Variants in ABCA7 observed in about 807,000 individuals in gnomAD.
The protein encoded by ABCA7 is ATP binding cassette subfamily A member 7.
A neutral mutation model predicts 227.6 loss-of-function variants in ABCA7; 261 were observed. The observed-to-expected ratio is 1.15, with a 90% CI of 1.04 to 1.27. The LOEUF (loss-of-function observed/expected upper bound fraction) is 1.27. Among genes scored for constraint, ABCA7 ranks in the 50% most tolerant of loss-of-function variants. ABCA7 has a pLI of 0.00. For synonymous variants in ABCA7, 1,488 were observed against 1,279.7 expected, an observed-to-expected ratio of 1.16 and a Z score of -3.47; for missense variants, 3,331 against 2,924.5, an observed-to-expected ratio of 1.14 and a Z score of -3.21.
In ABCA7 at chr19:1,052,103, C is replaced by T. The variant is rs372515040; in HGVS notation, c.3124C>T (p.Leu1042=). 1.1e-5 allele frequency: 18 copies of T among 1,612,228 alleles called. No homozygotes were observed. Among genetic ancestry groups the T allele is most frequent in the African/African-American group, 4.0e-5 (3 of 74,824 alleles). Residue 1042 remains leucine (L), a synonymous_variant, in exon 22 of 47, where the codon CTG becomes TTG. Transcript: ENST00000263094. Reference sequence around the variant, plus strand: ...CTACCTGACGCTGGTGAAGGCCCGCCTGCCCCTGACCACCAATGAGAAGGT... The same window carrying T: ...CTACCTGACGCTGGTGAAGGCCCGCTTGCCCCTGACCACCAATGAGAAGGT... ...GYYLTLVKAR[L]PLTTNEKADT...
chr19:1,046,118 A>T, intron 12 of ABCA7, 112 bp from the exon 13 acceptor site: 1 of 1,254,778 alleles, frequency 8.0e-7, no homozygotes, highest in Non-Finnish European at 1.1e-6. Flanking sequence ...GCAGCTCTTC[A>T]CTCCAGCCTG....
chr19:1,044,870 A>C, intron 11 of ABCA7, 126 bp downstream of exon 11: 8 of 1,462,032 alleles, frequency 5.5e-6, no homozygotes, highest in Middle Eastern at 2.5e-4. Flanking sequence ...ATTTGTAGAG[A>C]TCTCAGGAGG....
chr19:1,042,231 G>A (rs777623937), intron 5 of ABCA7, 55 bp downstream of exon 5: 16 of 1,592,624 alleles, frequency 1.0e-5, no homozygotes, highest in Non-Finnish European at 1.4e-5. Context: ...CAACTTGCCG[G>A]GCCGTGAAAT....
chr19:1,041,489 C>G lies in ABCA7; in HGVS notation c.67-21C>G, dbSNP rs374390353. On this transcript the variant is annotated intron_variant, in intron 2 of 46. Transcript: ENST00000263094. Reference sequence around the variant, plus strand: ...GGCAGCCCCCACTGTCCCCCACCGTCTCCCACCTATTCTCCCCCAGGTCCA... The same window carrying G: ...GGCAGCCCCCACTGTCCCCCACCGTGTCCCACCTATTCTCCCCCAGGTCCA... The G allele has an allele frequency of 2.5e-5, 40 of 1,613,798 alleles. No homozygotes were observed. In the African/African-American group the frequency reaches 4.8e-4, roughly 19 times the overall value.
At chr19:1,057,858 C>A in intron 35 of ABCA7, 57 bp from the exon 36 acceptor site, 2 of 1,583,008 alleles carry the variant, frequency 1.3e-6, no homozygotes, top group South Asian at 1.1e-5. Flanking sequence ...GATTTTTATT[C>A]CTCTCAGGGC....
rs553210745 is a variant in ABCA7, at chr19:1,051,898, C to T, written c.2963-44C>T. ...GCAGAGGCCCCAGCTCGGGCAAAGA[C>T]GCGGCGGCCTGATGGTAGTTGTGGG... On this transcript the variant is annotated intron_variant, in intron 21 of 46. Transcript: ENST00000263094. 5.1e-5 allele frequency: 81 copies of T among 1,595,102 alleles called. 1 individual carries two copies. The highest frequency in any genetic ancestry group is 2.5e-4 in the East Asian group (11 of 44,642).
Position 1,046,829 on chromosome 19 carries a change from G to T in ABCA7, c.1650G>T (p.Leu550=). 6.5e-7 allele frequency: 1 copy of T among 1,539,660 alleles called. No individual in the cohort carries two copies. ...DVFLRVLSRS[L]PLFLTLAWIY... ...TCCTGCGTGTGCTGAGCCGGTCGCT[G>T]CCGCTCTTCCTGACGCTGGCCTGGA... The change falls in exon 14 of 47, where the codon CTG becomes CTT. Residue 550 remains leucine (L), a synonymous_variant. Coordinates refer to ENST00000263094, the MANE Select transcript of ABCA7 (RefSeq NM_019112.4).
intron 9 of ABCA7, 56 bp from the exon 10 acceptor site, chr19:1,043,668 TG>T: frequency 6.6e-7 from 1 of 1,509,324 alleles, no homozygotes; most frequent in Non-Finnish European, 9.1e-7. Flanking sequence ...GGGCAGGGGG[TG>T]GGCAGGGGTC....
Position 1,049,393 on chromosome 19 carries a change from C to T in ABCA7, c.2508C>T (p.Ile836=), listed in dbSNP as rs138316402. The change falls in exon 18 of 47, where the codon ATC becomes ATT. Residue 836 remains isoleucine (I), a synonymous_variant. Transcript: ENST00000263094. ...GLSLDFYQGH[I]TAFLGHNGAG... is the part of the protein sequence containing the mutation. ...GCCTGGACTTCTACCAGGGCCACATCACCGCCTTCCTGGGCCACAACGGGG... is the reference window on the plus strand; with the variant it reads ...GCCTGGACTTCTACCAGGGCCACATTACCGCCTTCCTGGGCCACAACGGGG... The T allele has an allele frequency of 1.9e-6, 3 of 1,610,522 alleles. No individual in the cohort carries two copies. The highest frequency in any genetic ancestry group is 1.7e-6 in the Non-Finnish European group (2 of 1,178,618).
Position 1,059,081 on chromosome 19 carries a change from G to A in ABCA7, c.5459G>A (p.Gly1820Asp). The A allele has an allele frequency of 6.2e-7, 1 of 1,612,984 alleles. No homozygotes were observed. The highest frequency in any genetic ancestry group is 1.1e-5 in the South Asian group (1 of 90,948). Residue 1820 changes from glycine (G) to aspartate (D), a missense_variant, in exon 40 of 47, where the codon GGT becomes GAT. Transcript: ENST00000263094. ...CGCTTGTGCCTGGGGATTCCCCCTG[G>A]TGAGGTGAGTCCAGGGGTGGAGGCC... Reference protein sequence around the residue: ...VDRLCLGIPPGECFGLLGVNG... With the variant: ...VDRLCLGIPPDECFGLLGVNG...
In ABCA7 at chr19:1,041,937, G is replaced by T. The variant is rs1229981387; in HGVS notation, c.267G>T (p.Glu89Asp). The change falls in exon 4 of 47, where the codon GAG (glutamate) becomes GAT (aspartate). Residue 89 changes from glutamate to aspartate, a missense_variant. Coordinates refer to ENST00000263094, the MANE Select transcript of ABCA7 (RefSeq NM_019112.4). ...NTCFPQLTPG[E>D]EPGRLSNFND... ...GCTTTCCGCAGCTGACACCGGGCGAGGAGCCCGGGCGCCTGAGCAACTTCA... is the reference window on the plus strand; with the variant it reads ...GCTTTCCGCAGCTGACACCGGGCGATGAGCCCGGGCGCCTGAGCAACTTCA... 1 of 1,595,132 alleles carries T rather than the reference G, an allele frequency of 6.3e-7. No individual in the cohort carries two copies. The highest frequency in any genetic ancestry group is 8.5e-7 in the Non-Finnish European group (1 of 1,176,030).
Position 1,054,341 on chromosome 19 carries a change from G to C in ABCA7, c.3726G>C (p.Gln1242His), listed in dbSNP as rs757800771. 6 of 1,594,004 alleles carry C rather than the reference G, an allele frequency of 3.8e-6. No homozygotes were observed. The South Asian group carries it at 5.5e-5, about 15-fold the overall frequency. The change falls in exon 27 of 47, where the codon CAG becomes CAC. Residue 1242 changes from glutamine (Q) to histidine (H), a missense_variant and splice_region_variant. Physicochemically the swap from Gln to His is conservative, Grantham distance 24. Transcript: ENST00000263094. This position sits in a 1 kb window ranked among gnomAD's most constrained non-coding sequence, Gnocchi z 4.8. ...GCAGCCGCCGCGGCCTGTTCGCCCA[G>C]GTGAGGAGGGCTAGCACCAGGGAGT... ...ARRSRRGLFA[Q>H]IVLPALFVGL...
At chr19:1,044,508 A>G (rs555112240) in intron 10 of ABCA7, 69 bp from the exon 11 acceptor site, 2 of 1,537,532 alleles carry the variant, frequency 1.3e-6, no homozygotes, top group East Asian at 4.6e-5. Flanking sequence ...TCGCCTCCCA[A>G]AGTGCTGGGA....
Position 1,063,667 on chromosome 19 carries a change from G to A in ABCA7, c.5836G>A (p.Val1946Met). The change falls in exon 43 of 47, where the codon GTG becomes ATG. Residue 1946 changes from valine to methionine, a missense_variant. Transcript: ENST00000263094. ...TALALVGDPAVVFLDEPTTGM... is the reference protein window; with the variant it reads ...TALALVGDPAMVFLDEPTTGM... ...CCTGGCGCTGGTTGGGGACCCAGCC[G>A]TGGTGTTTCTGGTGCGTGGGAGCGG... The A allele has an allele frequency of 6.2e-7, 1 of 1,604,136 alleles. No homozygotes were observed. The highest frequency in any genetic ancestry group is 8.5e-7 in the Non-Finnish European group (1 of 1,176,686).
chr19:1,053,241 C>A, intron 23 of ABCA7, 88 bp from the exon 24 acceptor site: 1 of 1,361,316 alleles, frequency 7.3e-7, no homozygotes. Context: ...CGGGACAGTC[C>A]CCTCACAGGT....
Position 1,043,902 on chromosome 19 carries a change from G to A in ABCA7, c.1047+61G>A, listed in dbSNP as rs201046501. ...CCCGGTGAGGAGGGTAGACAGGCCC[G>A]GTGGATGGGAAGGTGGGCTCCGTGC... On this transcript the variant is annotated intron_variant, in intron 10 of 46. Transcript: ENST00000263094. 1.1e-3 allele frequency: 1,562 copies of A among 1,471,436 alleles called. 11 individuals are homozygous for A. Among genetic ancestry groups the A allele is most frequent in the Middle Eastern group, 8.5e-3 (48 of 5,680 alleles). 91.1% of individuals were successfully genotyped at this position (1,471,436 alleles called of 1,614,324 possible).
At chr19:1,065,224 G>A (rs2042971253) in intron 46 of ABCA7, 46 bp from the exon 47 acceptor site, 3 of 1,606,796 alleles carry the variant, frequency 1.9e-6, no homozygotes, top group Non-Finnish European at 2.6e-6. Context: ...GGCCAGGCCC[G>A]TGGGCTGACC....
chr19:1,057,776 A>G, intron 35 of ABCA7, 139 bp from the exon 36 acceptor site: 3 of 1,151,600 alleles, frequency 2.6e-6, no homozygotes, highest in Non-Finnish European at 3.6e-6. Context: ...AAAGAGAGAA[A>G]GAAAAAAAAA....
chr19:1,055,838 C>A, intron 30 of ABCA7, 69 bp from the exon 31 acceptor site: 3 of 1,452,174 alleles, frequency 2.1e-6, no homozygotes, highest in Non-Finnish European at 2.8e-6. Context: ...ACTCTGTGCT[C>A]CCCTCTCACC....
Sources: allele counts gnomAD v4.1 joint callset, GRCh38; gene constraint gnomAD v4.1.1; non-coding constraint Gnocchi (gnomAD v3.1); transcripts MANE v1.5; gene names NCBI Gene and HGNC (gene_info 2026-07-23, HGNC 2026-07-21).